Variants in PIK3CA observed in about 807,000 individuals in gnomAD.
PIK3CA encodes phosphatidylinositol-4,5-bisphosphate 3-kinase catalytic subunit alpha, also known as phosphatidylinositol 4,5-bisphosphate 3-kinase catalytic subunit alpha isoform.
PIK3CA carries 27 observed loss-of-function variants against 138.2 expected under a neutral mutation model. That is an observed-to-expected ratio of 0.20 (90% CI 0.14 to 0.27). PIK3CA has a LOEUF of 0.27. Among genes scored for constraint, PIK3CA ranks in the 10% least tolerant of loss-of-function variants. The pLI is 1.00. For synonymous variants in PIK3CA, 358 were observed against 413.2 expected (o/e 0.87, Z 1.62); for missense variants, 544 against 1,277.4 (o/e 0.43, Z 8.75).
chr3:179,213,196 CCT>C (rs1242517662), intron 9 of PIK3CA, among the ~76,000 whole-genome samples: 2 of 152,252 alleles, frequency 1.3e-5, no homozygotes, highest in Non-Finnish European at 2.9e-5. Context: ...TACAGCTATA[CCT>C]CTGAGGTATT....
At chr3:179,229,963 C>G (rs191123531) in intron 18 of PIK3CA, 41 bp from the exon 19 acceptor site, 1 of 1,355,266 alleles carries the variant, frequency 7.4e-7, no homozygotes, top group African/African-American at 1.4e-5. Flanking sequence ...GCCTGAATCA[C>G]TATATTTCCA....
chr3:179,206,078 T>C (rs1027019339), intron 6 of PIK3CA, among the ~76,000 whole-genome samples: 20 of 148,144 alleles, frequency 1.4e-4, no homozygotes, highest in African/African-American at 2.8e-4. Context: ...AACAAACAAC[T>C]TCAGGATCTT....
At chr3:179,175,137 G>A (rs182535484) in intron 1 of PIK3CA, among the ~76,000 whole-genome samples, 1 of 152,270 alleles carries the variant, frequency 6.6e-6, no homozygotes, top group Admixed American at 6.5e-5. Context: ...CTTCATGGTT[G>A]ACTACCTCAT....
chr3:179,177,560 G>A (rs776649575), intron 1 of PIK3CA, among the ~76,000 whole-genome samples: 44 of 152,100 alleles, frequency 2.9e-4, no homozygotes, highest in South Asian at 6.2e-4. Context: ...TGATCCGCCC[G>A]CCTTGGCCTC....
At chr3:179,226,237 GAGCTAATA>G (rs1397861634) in intron 17 of PIK3CA, among the ~76,000 whole-genome samples, 197 bp downstream of exon 17, 1 of 152,034 alleles carries the variant, frequency 6.6e-6, no homozygotes, top group African/African-American at 2.4e-5. Flanking sequence ...TAAGTAAAAA[GAGCTAATA>G]AGCTAATAAA....
intron 14 of PIK3CA, among the ~76,000 whole-genome samples, chr3:179,221,651 T>G (rs546748505): frequency 6.6e-6 from 1 of 151,574 alleles, no homozygotes; most frequent in South Asian, 2.1e-4. Flanking sequence ...TCTAGTCATC[T>G]GCTGTCTAGC....
chr3:179,164,508 ATC>A (rs559309185), intron 1 of PIK3CA, among the ~76,000 whole-genome samples: 106 of 152,336 alleles, frequency 7.0e-4, no homozygotes, highest in African/African-American at 2.3e-3. Context: ...ATGTTTTCAC[ATC>A]TCTATTTTAT....
At chr3:179,226,923 C>T (rs544072621) in intron 17 of PIK3CA, among the ~76,000 whole-genome samples, 1 of 152,162 alleles carries the variant, frequency 6.6e-6, no homozygotes, top group African/African-American at 2.4e-5. Context: ...TTATATGAAT[C>T]AAATTTCATT....
At chr3:179,187,577 T>C (rs1724021799) in intron 1 of PIK3CA, among the ~76,000 whole-genome samples, 1 of 151,180 alleles carries the variant, frequency 6.6e-6, no homozygotes, top group Admixed American at 6.6e-5. Context: ...GGATCCTTTA[T>C]TGAATTTCTG....
At position 179,220,959 on chromosome 3, in the gene PIK3CA, A is replaced by T. The variant is rs6443625; in HGVS notation, c.2016-27A>T. 304,230 of 1,497,640 alleles carry T rather than the reference A, an allele frequency of 0.2. 33,960 individuals are homozygous for T. The highest frequency in any genetic ancestry group is 0.43 in the African/African-American group (30,150 of 70,464). The allele number at this position is 1,497,640 out of a possible 1,614,324, so 92.8% of individuals were successfully genotyped here. ...TACTGATTTAAGACTATATATATAT[A>T]TTTTTAATTTTGCACGATTCTTTTA... On this transcript the variant is annotated intron_variant, in intron 13 of 20. Transcript: ENST00000263967. The surrounding 1 kb of genome is among the most constrained non-coding windows in gnomAD (Gnocchi z 4.1).
chr3:179,205,699 A>G (rs1314332184), intron 6 of PIK3CA, among the ~76,000 whole-genome samples: 3 of 152,210 alleles, frequency 2.0e-5, no homozygotes, highest in Non-Finnish European at 4.4e-5. Context: ...GTATAATCCA[A>G]TAGCTGACTA....
At chr3:179,201,941 A>T (rs966464662) in intron 4 of PIK3CA, among the ~76,000 whole-genome samples, 1 of 151,984 alleles carries the variant, frequency 6.6e-6, no homozygotes, top group African/African-American at 2.4e-5. Context: ...CTTGATAAGT[A>T]ATATTAGTAA....
At chr3:179,172,828 T>C (rs7634251) in intron 1 of PIK3CA, among the ~76,000 whole-genome samples, 100,727 of 152,030 alleles carry the variant, frequency 0.66, 35,604 homozygotes, top group African/African-American at 0.91. Flanking sequence ...CAGGCTGGTT[T>C]TAAAATTTAT....
chr3:179,220,681 A>G lies in PIK3CA; in HGVS notation c.2016-305A>G, dbSNP rs1724944991. Among the ~76,000 whole-genome samples the G allele has an allele frequency of 6.6e-6, 1 of 152,126 alleles. No homozygotes were observed. Among genetic ancestry groups the G allele is most frequent in the Admixed American group, 6.6e-5 (1 of 15,262 alleles). Reference sequence around the variant, plus strand: ...TGAGCGCTTTGTTCCCTCCCTCTTCATTTGATTATTTTTGTGCTCAATTTC... The same window carrying G: ...TGAGCGCTTTGTTCCCTCCCTCTTCGTTTGATTATTTTTGTGCTCAATTTC... On this transcript the variant is annotated intron_variant, in intron 13 of 20. Transcript: ENST00000263967. This position sits in a 1 kb window ranked among gnomAD's most constrained non-coding sequence, Gnocchi z 4.1.
chr3:179,207,941 A>G (rs927753657), intron 6 of PIK3CA, among the ~76,000 whole-genome samples: 5 of 152,128 alleles, frequency 3.3e-5, no homozygotes. Context: ...TCAGGAGGCT[A>G]AGGGAGGCTG....
At chr3:179,175,188 T>G (rs1377835463) in intron 1 of PIK3CA, among the ~76,000 whole-genome samples, 1 of 152,228 alleles carries the variant, frequency 6.6e-6, no homozygotes, top group Admixed American at 6.5e-5. Context: ...TGAAGAGAGA[T>G]AACTGGGAGG....
In PIK3CA at chr3:179,164,296, T is replaced by A. The variant is rs113817753; in HGVS notation, c.-77+15693T>A. On this transcript the variant is annotated intron_variant, in intron 1 of 20. Transcript: ENST00000263967. ...CATCTGTGCACCGCTATATTTCCGATACTTACAGAGCACAATCCCAGGCCC... is the reference window on the plus strand; with the variant it reads ...CATCTGTGCACCGCTATATTTCCGAAACTTACAGAGCACAATCCCAGGCCC... 1.3e-3 allele frequency among the ~76,000 whole-genome samples: 203 copies of A among 152,296 alleles called. 3 individuals carry two copies. Among genetic ancestry groups the A allele is most frequent in the African/African-American group, 4.5e-3 (185 of 41,562 alleles).
chr3:179,200,106 G>C (rs950307939), intron 3 of PIK3CA, among the ~76,000 whole-genome samples: 3 of 151,836 alleles, frequency 2.0e-5, no homozygotes, highest in African/African-American at 7.3e-5. Flanking sequence ...GTGTGAATAT[G>C]ATACTGATTT....
At chr3:179,181,891 A>T (rs1035150431) in intron 1 of PIK3CA, among the ~76,000 whole-genome samples, 6 of 152,126 alleles carry the variant, frequency 3.9e-5, no homozygotes, top group African/African-American at 1.4e-4. Flanking sequence ...AGATGCTCTC[A>T]CTCTGAATTT....
Sources: allele counts gnomAD v4.1 joint callset (sites outside exome capture counted in the v4.1 genomes callset), GRCh38; gene constraint gnomAD v4.1.1; non-coding constraint Gnocchi (gnomAD v3.1); transcripts MANE v1.5; gene names NCBI Gene and HGNC (gene_info 2026-07-23, HGNC 2026-07-21).